The following PRKN variants were observed in gnomAD, a reference collection of about 807,000 sequenced individuals.
PRKN encodes the protein E3 ubiquitin-protein ligase parkin.
PRKN carries 56 observed loss-of-function variants against 59.5 expected under a neutral mutation model. The observed-to-expected ratio is 0.94, with a 90% confidence interval of 0.76 to 1.18. The LOEUF (loss-of-function observed/expected upper bound fraction) is 1.18, where lower values mean the gene tolerates loss of function less well. Among genes scored for constraint, PRKN ranks in the 50% most tolerant of loss-of-function variants. PRKN has a pLI of 0.00. For missense variants in PRKN, 657 were observed against 596.4 expected (o/e 1.10, Z -1.06); for synonymous variants, 250 against 222.1 (o/e 1.13, Z -1.12).
intron 2 of PRKN, among the ~76,000 whole-genome samples, chr6:162,424,381 T>C (rs1309557092): frequency 6.6e-6 from 1 of 152,100 alleles, no homozygotes; most frequent in East Asian, 1.9e-4. Flanking sequence ...GAGTGAACCC[T>C]AATGTAGAGG....
chr6:162,234,173 TACACG>T (rs1389630567), intron 3 of PRKN, among the ~76,000 whole-genome samples: 9 of 152,110 alleles, frequency 5.9e-5, no homozygotes, highest in African/African-American at 2.2e-4. Context: ...TGAGAACAGG[TACACG>T]ACAATTTGCA....
At chr6:162,288,418 C>A (rs1893560) in intron 2 of PRKN, among the ~76,000 whole-genome samples, 1 of 151,880 alleles carries the variant, frequency 6.6e-6, no homozygotes, top group Admixed American at 6.6e-5. Context: ...TTCAGATATA[C>A]GTCAAGTCTG....
chr6:161,684,899 C>T (rs754975472), intron 7 of PRKN, among the ~76,000 whole-genome samples: 94 of 152,096 alleles, frequency 6.2e-4, no homozygotes, highest in Non-Finnish European at 9.3e-4. Context: ...GCATCTCTTA[C>T]ACCACATCTC....
rs1260867681 is a variant in PRKN, at chr6:161,362,991, C to T, written c.1168-2786G>A. Among the ~76,000 whole-genome samples, 3 of 152,182 alleles carry T rather than the reference C, an allele frequency of 2.0e-5. No homozygotes were observed. The highest frequency in any genetic ancestry group is 4.4e-5 in the Non-Finnish European group (3 of 68,028). ...GCATGGTGGCTCACACCTGTAATCC[C>T]AGCACTTTGGGAGGCTGAGGCAGGT... On this transcript the variant is annotated intron_variant, in intron 10 of 11. Coordinates refer to ENST00000366898, the MANE Select transcript of PRKN (RefSeq NM_004562.3). This position sits in a 1 kb window ranked among gnomAD's most constrained non-coding sequence, Gnocchi z 5.2.
intron 8 of PRKN, among the ~76,000 whole-genome samples, chr6:161,568,715 A>C (rs1780747985): frequency 6.6e-6 from 1 of 152,240 alleles, no homozygotes; most frequent in Non-Finnish European, 1.5e-5. Context: ...CAGAGTTTGT[A>C]GTTCCATATA....
intron 5 of PRKN, among the ~76,000 whole-genome samples, chr6:161,993,783 A>G (rs903373683): frequency 1.3e-5 from 2 of 152,316 alleles, no homozygotes; most frequent in South Asian, 4.1e-4. Flanking sequence ...CTGAGCCAGC[A>G]CCTGCTTCTG....
chr6:162,465,225 G>A (rs1226449805), intron 1 of PRKN, among the ~76,000 whole-genome samples: 1 of 152,202 alleles, frequency 6.6e-6, no homozygotes, highest in Non-Finnish European at 1.5e-5. Context: ...CTCTAGGAAG[G>A]CGGTTAGCTT....
At chr6:161,748,177 G>C (rs931355577) in intron 7 of PRKN, among the ~76,000 whole-genome samples, 1 of 152,146 alleles carries the variant, frequency 6.6e-6, no homozygotes, top group Non-Finnish European at 1.5e-5. Context: ...TCTCAGCTTT[G>C]AGGATGCTTC....
intron 1 of PRKN, among the ~76,000 whole-genome samples, chr6:162,633,623 G>A (rs931228687): frequency 6.6e-6 from 1 of 152,024 alleles, no homozygotes; most frequent in Non-Finnish European, 1.5e-5. Flanking sequence ...GTTGCAGATT[G>A]CCTGAGTTTT....
chr6:162,153,807 C>T (rs1313365606), intron 4 of PRKN, among the ~76,000 whole-genome samples: 1 of 152,194 alleles, frequency 6.6e-6, no homozygotes, highest in Non-Finnish European at 1.5e-5. Flanking sequence ...GAAGCCAATT[C>T]ACCTCTCCCC....
At chr6:161,628,714 G>A (rs566156698) in intron 7 of PRKN, among the ~76,000 whole-genome samples, 3 of 152,302 alleles carry the variant, frequency 2.0e-5, no homozygotes, top group Admixed American at 1.3e-4. Flanking sequence ...AGCTGCGCCA[G>A]CTCTTACTGC....
intron 1 of PRKN, among the ~76,000 whole-genome samples, chr6:162,715,315 T>A (rs1303615644): frequency 1.3e-5 from 2 of 152,192 alleles, no homozygotes; most frequent in Non-Finnish European, 2.9e-5. Context: ...GCAACAATTA[T>A]TTATTAAGTA....
intron 8 of PRKN, among the ~76,000 whole-genome samples, chr6:161,553,600 T>C (rs1012203004): frequency 1.3e-5 from 2 of 152,240 alleles, no homozygotes; most frequent in South Asian, 2.1e-4. Context: ...GATTGAAAAA[T>C]GATATTTTAA....
intron 4 of PRKN, among the ~76,000 whole-genome samples, chr6:162,155,428 T>C (rs1453431811): frequency 1.3e-5 from 2 of 152,122 alleles, no homozygotes; most frequent in Non-Finnish European, 2.9e-5. Context: ...GGGATTGTAG[T>C]TGAATTTTCT....
At position 162,188,993 on chromosome 6, in the gene PRKN, C is replaced by CA. The variant is rs574106918; in HGVS notation, c.534+12137dup. Among the ~76,000 whole-genome samples, 514 of 151,764 alleles carry CA rather than the reference C, an allele frequency of 3.4e-3. 3 individuals carry two copies. Among genetic ancestry groups the CA allele is most frequent in the African/African-American group, 0.012 (495 of 41,298 alleles). ...GGAGGGAATTGAGATTAGACGACTG[C>CA]AAAGTTGATTCCTATTCTAATTATC... On this transcript the variant is annotated intron_variant, in intron 4 of 11. Coordinates refer to ENST00000366898, the MANE Select transcript of PRKN (RefSeq NM_004562.3).
chr6:161,464,317 A>AAC (rs1790345832), intron 9 of PRKN, among the ~76,000 whole-genome samples: 1 of 152,200 alleles, frequency 6.6e-6, no homozygotes, highest in Non-Finnish European at 1.5e-5. Context: ...CCCAGCTGGT[A>AAC]CTTTCTCAAG....
chr6:162,142,828 T>C (rs1156345153), intron 4 of PRKN, among the ~76,000 whole-genome samples: 2 of 152,184 alleles, frequency 1.3e-5, no homozygotes, highest in Non-Finnish European at 2.9e-5. Context: ...TCATCTCTAC[T>C]ACAAAGATGG....
chr6:162,403,115 C>A (rs1046433353), intron 2 of PRKN, among the ~76,000 whole-genome samples: 1 of 152,112 alleles, frequency 6.6e-6, no homozygotes, highest in Non-Finnish European at 1.5e-5. Context: ...ACATAACTGG[C>A]CAACTTCTTC....
intron 4 of PRKN, among the ~76,000 whole-genome samples, chr6:162,142,941 T>A (rs902916421): frequency 6.6e-6 from 1 of 152,226 alleles, no homozygotes; most frequent in African/African-American, 2.4e-5. Context: ...ATCAACCTAA[T>A]TAATTAGCCT....
Sources: allele counts gnomAD v4.1 joint callset (sites outside exome capture counted in the v4.1 genomes callset), GRCh38; gene constraint gnomAD v4.1.1; non-coding constraint Gnocchi (gnomAD v3.1); transcripts MANE v1.5; gene names NCBI Gene and HGNC (gene_info 2026-07-23, HGNC 2026-07-21).